Variants in RASGRF1 observed in about 807,000 individuals in gnomAD.
The protein encoded by RASGRF1 is Ras protein specific guanine nucleotide releasing factor 1.
Under a neutral mutation model 138.7 loss-of-function variants are expected in RASGRF1, and 40 were observed. The observed-to-expected ratio is 0.29, with a 90% CI of 0.22 to 0.38. The LOEUF is 0.38. Among genes scored for constraint, RASGRF1 ranks in the 10% least tolerant of loss-of-function variants. The pLI is 1.00. For missense variants in RASGRF1, 1,108 were observed against 1,650.4 expected (o/e 0.67, Z 5.69); for synonymous variants, 614 against 663.2 (o/e 0.93, Z 1.14).
chr15:79,035,108 C>G (rs370142756), intron 6 of RASGRF1, 23 bp downstream of exon 6: 10 of 1,596,282 alleles, frequency 6.3e-6, no homozygotes, highest in Non-Finnish European at 8.6e-6. Flanking sequence ...CTCTGGGGGC[C>G]GCAGTGAGGG....
intron 2 of RASGRF1, among the ~76,000 whole-genome samples, chr15:79,059,455 T>TC (rs549983413): frequency 3.4e-5 from 5 of 146,200 alleles, no homozygotes; most frequent in Non-Finnish European, 7.5e-5. Context: ...TATCCTTCTA[T>TC]CCCCCCTCGT....
chr15:78,971,865 C>T lies in RASGRF1; in HGVS notation c.3681+1G>A. 6.4e-7 allele frequency: 1 copy of T among 1,573,636 alleles called. No homozygotes were observed. Among genetic ancestry groups the T allele is most frequent in the Non-Finnish European group, 8.7e-7 (1 of 1,143,134 alleles). ...AGTGACCAGGAAAAGGCACAGCTTA[C>T]CTTTGCTTGGTGCTCTATTTTGTAG... On this transcript the variant is annotated splice_donor_variant, in intron 26 of 26. Transcript: ENST00000558480. LOFTEE classifies it high-confidence loss of function.
intron 1 of RASGRF1, among the ~76,000 whole-genome samples, chr15:79,086,857 A>G (rs996638567): frequency 3.9e-5 from 6 of 152,212 alleles, no homozygotes; most frequent in African/African-American, 1.4e-4. Context: ...ATGGAACACC[A>G]AGGGCCAGCC....
At chr15:79,010,618 A>C (rs981197170) in intron 13 of RASGRF1, among the ~76,000 whole-genome samples, 4 of 152,220 alleles carry the variant, frequency 2.6e-5, no homozygotes, top group African/African-American at 4.8e-5. Context: ...CTTCTCTCTG[A>C]TCTTTCAACA....
Position 79,027,787 on chromosome 15 carries a change from T to C in RASGRF1, c.1335A>G (p.Glu445=). ...KNLAIERMII[E]GCEILLDTSQ... Reference sequence around the variant, plus strand: ...TGGTGTCCAGGAGGATCTCACAGCCTTCGATGATCATGCGCTCGATGGCCA... The same window carrying C: ...TGGTGTCCAGGAGGATCTCACAGCCCTCGATGATCATGCGCTCGATGGCCA... The change falls in exon 9 of 27, where the codon GAA becomes GAG. Residue 445 remains glutamate (E), a synonymous_variant. Transcript: ENST00000558480. This position sits in a 1 kb window ranked among gnomAD's most constrained non-coding sequence, Gnocchi z 4.8. The C allele has an allele frequency of 6.2e-7, 1 of 1,614,244 alleles. No homozygotes were observed. Among genetic ancestry groups the C allele is most frequent in the Non-Finnish European group, 8.5e-7 (1 of 1,180,044 alleles).
At chr15:79,089,762 G>A (rs866321022) in intron 1 of RASGRF1, among the ~76,000 whole-genome samples, 4 of 152,378 alleles carry the variant, frequency 2.6e-5, no homozygotes, top group African/African-American at 7.2e-5. Context: ...GCGCTCGGAC[G>A]CCTCCGTCTT....
chr15:79,050,700 G>A lies in RASGRF1; in HGVS notation c.532-1112C>T, dbSNP rs1401701790. Among the ~76,000 whole-genome samples, 1 of 152,192 alleles carries A rather than the reference G, an allele frequency of 6.6e-6. No homozygotes were observed. The highest frequency in any genetic ancestry group is 1.5e-5 in the Non-Finnish European group (1 of 68,036). On this transcript the variant is annotated intron_variant, in intron 3 of 26. Transcript: ENST00000558480. The surrounding 1 kb of genome is among the most constrained non-coding windows in gnomAD (Gnocchi z 4.1). ...AACCAAGGCATGGTGCCTAGGAGAAGGTACACCTTAAGCTGCACTGTGGCC... is the reference window on the plus strand; with the variant it reads ...AACCAAGGCATGGTGCCTAGGAGAAAGTACACCTTAAGCTGCACTGTGGCC...
At chr15:79,085,376 G>A (rs1306407377) in intron 1 of RASGRF1, among the ~76,000 whole-genome samples, 1 of 152,168 alleles carries the variant, frequency 6.6e-6, no homozygotes, top group Admixed American at 6.5e-5. Context: ...GTGGCTCTGG[G>A]TTAGAGGGGC....
chr15:78,982,577 G>A (rs2056057972), intron 23 of RASGRF1, among the ~76,000 whole-genome samples: 1 of 152,152 alleles, frequency 6.6e-6, no homozygotes, highest in Non-Finnish European at 1.5e-5. Context: ...GTGGACACCA[G>A]CAGGCAGAAA....
chr15:79,001,377 G>A (rs985558990), intron 16 of RASGRF1, among the ~76,000 whole-genome samples: 10 of 152,136 alleles, frequency 6.6e-5, no homozygotes, highest in Admixed American at 5.9e-4. Flanking sequence ...CTGCCCACCT[G>A]TGCTGGGTGG....
intron 10 of RASGRF1, among the ~76,000 whole-genome samples, chr15:79,024,053 A>G (rs1393130146): frequency 6.6e-6 from 1 of 150,820 alleles, no homozygotes. Flanking sequence ...ACACACACAC[A>G]CATACACATA....
intron 26 of RASGRF1, among the ~76,000 whole-genome samples, chr15:78,968,250 A>ATATGTGTGTGTGTGTG (rs140770821): frequency 7.4e-6 from 1 of 134,330 alleles, no homozygotes. Context: ...CATGACACTG[A>ATATGTGTGTGTGTGTG]TGTGTGTGTG....
At chr15:79,079,475 A>G (rs2057884448) in intron 1 of RASGRF1, among the ~76,000 whole-genome samples, 1 of 148,094 alleles carries the variant, frequency 6.8e-6, no homozygotes, top group Non-Finnish European at 1.5e-5. Flanking sequence ...AAAAAAAATG[A>G]TAGCATGTCC....
chr15:79,063,024 AC>A (rs1401601316), intron 2 of RASGRF1, among the ~76,000 whole-genome samples: 1 of 151,992 alleles, frequency 6.6e-6, no homozygotes, highest in African/African-American at 2.4e-5. Flanking sequence ...CAATCCCCTT[AC>A]TCAGGCCAAA....
At chr15:78,993,248 G>A (rs1437216040) in intron 20 of RASGRF1, among the ~76,000 whole-genome samples, 6 of 81,860 alleles carry the variant, frequency 7.3e-5, no homozygotes, top group South Asian at 3.8e-4. Context: ...GTGTGTGTAC[G>A]TGGTGTGTGT....
chr15:79,071,981 G>A (rs929064513), intron 1 of RASGRF1, among the ~76,000 whole-genome samples: 3 of 152,130 alleles, frequency 2.0e-5, no homozygotes, highest in African/African-American at 7.2e-5. Flanking sequence ...CTGTCCCTAT[G>A]ATCTTTTCTG....
chr15:79,057,616 G>C (rs529974682), intron 3 of RASGRF1, among the ~76,000 whole-genome samples: 1 of 152,316 alleles, frequency 6.6e-6, no homozygotes, highest in African/African-American at 2.4e-5. Flanking sequence ...AGCTGGTGAG[G>C]GGCATCTAAG....
At position 79,090,477 on chromosome 15, in the gene RASGRF1, T is replaced by G; in HGVS notation, c.22A>C (p.Asn8His). 6.2e-7 allele frequency: 1 copy of G among 1,612,640 alleles called. No individual in the cohort carries two copies. The highest frequency in any genetic ancestry group is 8.5e-7 in the Non-Finnish European group (1 of 1,179,936). ...CCCAGGGACGCGACGTGGCCATCAT[T>G]CAGCCGGATCCCCTTCTGCATGGTG... MQKGIRL[N>H]DGHVASLGLL... The change falls in exon 1 of 27, where the codon AAT becomes CAT. Residue 8 changes from asparagine to histidine, a missense_variant. Asn to His is a moderately conservative substitution (Grantham distance 68). Coordinates refer to ENST00000558480, the MANE Select transcript of RASGRF1 (RefSeq NM_001145648.3).
chr15:78,993,385 G>GT lies in RASGRF1; in HGVS notation c.3028-1592_3028-1591insA, dbSNP rs1491328516. The stretch of plus-strand genomic sequence containing the variant: ...TTTGGTGTGTGTAGTGTGTGTGTGT[G>GT]GGTGTGTGTGTGTGTTTGTGTGGTG... On this transcript the variant is annotated intron_variant, in intron 20 of 26. Coordinates refer to ENST00000558480, the MANE Select transcript of RASGRF1 (RefSeq NM_001145648.3). Among the ~76,000 whole-genome samples, 119 of 140,208 alleles carry GT rather than the reference G, an allele frequency of 8.5e-4. 1 individual carries two copies. The highest frequency in any genetic ancestry group is 2.8e-3 in the African/African-American group (104 of 37,642). 92.0% of individuals were successfully genotyped at this position (140,208 alleles called of 152,430 possible).
Sources: gnomAD v4.1 joint callset for allele counts (sites outside exome capture counted in the v4.1 genomes callset) on GRCh38, gnomAD v4.1.1 for gene constraint, Gnocchi (gnomAD v3.1) non-coding constraint, MANE v1.5 for transcripts, NCBI Gene and HGNC (gene_info 2026-07-23, HGNC 2026-07-21) for gene names.